Variants in TMEM67 observed in about 807,000 individuals in gnomAD.
The protein encoded by TMEM67 is transmembrane protein 67, also known as meckelin.
Under a neutral mutation model 136.6 loss-of-function variants are expected in TMEM67, and 124 were observed. That is an observed-to-expected ratio of 0.91 (90% CI 0.78 to 1.05). The LOEUF (loss-of-function observed/expected upper bound fraction) is 1.05. Among genes scored for constraint, TMEM67 ranks in the 50% least tolerant of loss-of-function variants. TMEM67 has a pLI of 0.00. For synonymous variants in TMEM67, 364 were observed against 390.5 expected, an observed-to-expected ratio of 0.93 and a Z score of 0.80; for missense variants, 1,107 against 1,178.4, an observed-to-expected ratio of 0.94 and a Z score of 0.89.
intron 7 of TMEM67, among the ~76,000 whole-genome samples, chr8:93,778,308 A>G (rs1813651945): frequency 6.6e-6 from 1 of 152,038 alleles, no homozygotes; most frequent in Admixed American, 6.6e-5. Flanking sequence ...TCTTTATCCA[A>G]TTTGCCAGTC....
chr8:93,817,334 A>C lies in TMEM67; in HGVS notation c.*882A>C. 1 of 152,306 alleles carries C rather than the reference A, an allele frequency of 6.6e-6. No individual in the cohort carries two copies. The highest frequency in any genetic ancestry group is 1.5e-5 in the Non-Finnish European group (1 of 68,048). 9.4% of individuals were successfully genotyped at this position (152,306 alleles called of 1,614,324 possible). ...ATCACTTTAGGTCAGGAGTTCAAGA[A>C]CAGCCTGGCCAACATGGAAAACCCC... On this transcript the variant is annotated 3_prime_UTR_variant, in exon 28 of 28. Transcript: ENST00000453321.
Position 93,764,043 on chromosome 8 carries a change from A to G in TMEM67, c.506+102A>G, listed in dbSNP as rs998124686. The G allele has an allele frequency of 1.2e-5, 10 of 812,912 alleles. No homozygotes were observed. The African/African-American group carries it at 1.7e-4, about 14-fold the overall frequency. 50.4% of individuals were successfully genotyped at this position (812,912 alleles called of 1,614,324 possible). The stretch of plus-strand genomic sequence containing the variant: ...TCCTATCATATCACTTAGTTTTCAC[A>G]ATAACCCAAGGAAGGATAGAAGTAG... On this transcript the variant is annotated intron_variant, in intron 4 of 27. Transcript: ENST00000453321.
chr8:93,818,296 A>G (rs1235823333), downstream of TMEM67, among the ~76,000 whole-genome samples: 2 of 152,222 alleles, frequency 1.3e-5, no homozygotes, highest in African/African-American at 2.4e-5. Context: ...TCTTCATTTC[A>G]TAATGAAACA....
chr8:93,803,986 T>C (rs1814987180), intron 22 of TMEM67, among the ~76,000 whole-genome samples: 1 of 151,690 alleles, frequency 6.6e-6, no homozygotes, highest in Admixed American at 6.6e-5. Flanking sequence ...GCAATTCTCA[T>C]ACCTCAACCT....
intron 22 of TMEM67, among the ~76,000 whole-genome samples, chr8:93,804,298 CTCTTT>C (rs780151755): frequency 4.0e-5 from 4 of 99,314 alleles, no homozygotes; most frequent in South Asian, 7.1e-4. Flanking sequence ...CTTTTCTTTT[CTCTTT>C]TCTTTTCTTT....
intron 11 of TMEM67, among the ~76,000 whole-genome samples, chr8:93,784,108 T>A (rs1445679093): frequency 2.6e-5 from 4 of 152,140 alleles, no homozygotes; most frequent in Non-Finnish European, 5.9e-5. Flanking sequence ...GATAGTGGGG[T>A]TAGAAATTAT....
intron 6 of TMEM67, among the ~76,000 whole-genome samples, chr8:93,770,411 C>CCAAATT (rs1813278669): frequency 1.3e-5 from 2 of 152,100 alleles, no homozygotes; most frequent in South Asian, 4.2e-4. Flanking sequence ...CCATTCATAC[C>CCAAATT]CAAATTTTCC....
intron 6 of TMEM67, among the ~76,000 whole-genome samples, chr8:93,767,863 C>CTTTTTTTT (rs200241819): frequency 9.1e-5 from 10 of 109,920 alleles, no homozygotes; most frequent in Non-Finnish European, 1.8e-4. Flanking sequence ...TTTCTTTTTT[C>CTTTTTTTT]TTTTTTTTTT....
At chr8:93,791,658 A>G (rs1415259906) in intron 15 of TMEM67, among the ~76,000 whole-genome samples, 1 of 152,130 alleles carries the variant, frequency 6.6e-6, no homozygotes, top group Non-Finnish European at 1.5e-5. Context: ...TGACCCTAAC[A>G]CTTCTGAAGA....
At chr8:93,826,321 G>C in the TMEM67 span, among the ~76,000 whole-genome samples, 1 of 151,702 alleles carries the variant, frequency 6.6e-6, no homozygotes, top group African/African-American at 2.4e-5. Flanking sequence ...AGTAGAGACG[G>C]GGTTTCACCG....
chr8:93,788,698 A>C (rs1267949382), intron 14 of TMEM67, among the ~76,000 whole-genome samples: 2 of 152,246 alleles, frequency 1.3e-5, no homozygotes, highest in Non-Finnish European at 2.9e-5. Flanking sequence ...GAAAGAGATG[A>C]TGATTATCAG....
chr8:93,755,773 T>TTA lies in TMEM67; in HGVS notation c.224-4_224-3insAT. On this transcript the variant is annotated splice_polypyrimidine_tract_variant and splice_region_variant and intron_variant, in intron 1 of 27. Coordinates refer to ENST00000453321, the MANE Select transcript of TMEM67 (RefSeq NM_153704.6). ...TGGCTTTTTTTTTTTTTTTTTTTTT[T>TTA]TTAGGAACTTCATGTGTATGTCTAC... 2 of 1,404,446 alleles carry TTA rather than the reference T, an allele frequency of 1.4e-6. No individual in the cohort carries two copies. Among genetic ancestry groups the TTA allele is most frequent in the Non-Finnish European group, 2.0e-6 (2 of 1,021,738 alleles). The allele number at this position is 1,404,446 out of a possible 1,614,324, so 87.0% of individuals were successfully genotyped here. A position where few individuals can be genotyped will look rare whatever the true frequency, so the allele number is the denominator to read the frequency against.
At position 93,786,256 on chromosome 8, in the gene TMEM67, G is replaced by A. The variant is rs386834183; in HGVS notation, c.1322G>A (p.Arg441His). Reference sequence around the variant, plus strand: ...TCTGGAAAGTGGCTTCTAACTCGGCGCATTTTCTTAGTGGATGCAGTAAGT... The same window carrying A: ...TCTGGAAAGTGGCTTCTAACTCGGCACATTTTCTTAGTGGATGCAGTAAGT... ...SNSGKWLLTR[R>H]IFLVDAVSGR... Residue 441 changes from arginine (R) to histidine (H), a missense_variant, in exon 13 of 28, where the codon CGC becomes CAC. Around this residue, in one of 3 missense-constraint regions of TMEM67, gnomAD observed 925 missense variants for 1,002.4 expected, o/e 0.92. Coordinates refer to ENST00000453321, the MANE Select transcript of TMEM67 (RefSeq NM_153704.6). 18 of 1,613,752 alleles carry A rather than the reference G, an allele frequency of 1.1e-5. No homozygotes were observed. The highest frequency in any genetic ancestry group is 2.2e-5 in the South Asian group (2 of 91,082).
chr8:93,805,260 C>T (rs1241310519), intron 23 of TMEM67, among the ~76,000 whole-genome samples: 6 of 152,108 alleles, frequency 3.9e-5, no homozygotes, highest in East Asian at 2.0e-4. Flanking sequence ...CTTGAGTCAC[C>T]GCGCACCTGG....
At chr8:93,772,222 G>T (rs1247741529) in intron 6 of TMEM67, among the ~76,000 whole-genome samples, 5 of 151,846 alleles carry the variant, frequency 3.3e-5, no homozygotes, top group African/African-American at 1.2e-4. Context: ...TTTTTTTATT[G>T]CTTGCCAATT....
intron 23 of TMEM67, among the ~76,000 whole-genome samples, chr8:93,805,322 G>A (rs2130765717): frequency 6.6e-6 from 1 of 152,030 alleles, no homozygotes; most frequent in South Asian, 2.1e-4. Context: ...GGTGGCTCAC[G>A]CCTGTAATCC....
In TMEM67 at chr8:93,754,960, C is replaced by T. The variant is rs367722582; in HGVS notation, c.46C>T (p.Leu16Phe). The change falls in exon 1 of 28, where the codon CTC (leucine) becomes TTC (phenylalanine). Residue 16 changes from leucine to phenylalanine, a missense_variant. Leu to Phe is a conservative substitution (Grantham distance 22, BLOSUM62 0). Coordinates refer to ENST00000453321, the MANE Select transcript of TMEM67 (RefSeq NM_153704.6). ...GAGVAMAVWS[L>F]LSARAVTAFL... ...TGGGGTGGCAATGGCGGTTTGGTCC[C>T]TCTTATCCGCCCGGGCCGTGACCGC... 1.5e-5 allele frequency: 25 copies of T among 1,614,084 alleles called. No individual in the cohort carries two copies. In the Admixed American group the frequency reaches 2.5e-4, roughly 16 times the overall value.
intron 23 of TMEM67, among the ~76,000 whole-genome samples, chr8:93,807,963 C>T (rs1218651176): frequency 6.6e-6 from 1 of 151,884 alleles, no homozygotes; most frequent in Admixed American, 6.6e-5. Context: ...ATAACATTAA[C>T]TGTTTGGTCA....
chr8:93,808,508 A>ATT (rs1808547148), intron 23 of TMEM67, among the ~76,000 whole-genome samples: 67 of 72,000 alleles, frequency 9.3e-4, no homozygotes, highest in South Asian at 2.2e-3. Context: ...TTATAGATGA[A>ATT]TATATATATT....
Sources: gnomAD v4.1 joint callset for allele counts (sites outside exome capture counted in the v4.1 genomes callset) on GRCh38, gnomAD v4.1.1 for gene constraint, gnomAD v4.1.1 regional missense constraint, MANE v1.5 for transcripts, NCBI Gene and HGNC (gene_info 2026-07-23, HGNC 2026-07-21) for gene names.